SAMHD1: variants seen among roughly 807,000 people sequenced by gnomAD.
SAMHD1 encodes the protein deoxynucleoside triphosphate triphosphohydrolase SAMHD1.
In SAMHD1, 54 loss-of-function variants were observed where a neutral mutation model predicts 79.6. The ratio of observed to expected loss-of-function variants is 0.68; its 90% CI spans 0.55 to 0.85. The LOEUF (loss-of-function observed/expected upper bound fraction) is 0.85. SAMHD1 is among the 40% of genes least tolerant of loss of function. The pLI, the probability that SAMHD1 is intolerant of heterozygous loss-of-function variation, is 0.00. For missense variants in SAMHD1, 663 were observed against 782.7 expected, an observed-to-expected ratio of 0.85 and a Z score of 1.82; for synonymous variants, 260 against 264.1, an observed-to-expected ratio of 0.98 and a Z score of 0.15.
Position 36,937,378 on chromosome 20 carries a change from A to C in SAMHD1, c.349-2189T>G, listed in dbSNP as rs369061139. 1.4e-4 allele frequency among the ~76,000 whole-genome samples: 21 copies of C among 152,286 alleles called. No individual in the cohort carries two copies. In the East Asian group the frequency reaches 3.9e-3, roughly 28 times the overall value. ...AATGAACAAAAAAAATATAAATTGG[A>C]TTACATAAAAACTTAAAACTTTTGT... On this transcript the variant is annotated intron_variant, in intron 3 of 15. Coordinates refer to ENST00000646673, the MANE Select transcript of SAMHD1 (RefSeq NM_015474.4).
chr20:36,904,011 TTAA>T (rs1336172734), intron 13 of SAMHD1, 143 bp downstream of exon 13: 2 of 634,336 alleles, frequency 3.2e-6, no homozygotes, highest in African/African-American at 3.7e-5. Context: ...GTTTTTGTGG[TTAA>T]TAATATTGGT....
intron 7 of SAMHD1, among the ~76,000 whole-genome samples, chr20:36,918,554 C>T (rs893756439): frequency 2.6e-5 from 4 of 151,794 alleles, no homozygotes; most frequent in African/African-American, 9.7e-5. Context: ...GTAATCCCAC[C>T]ACTTTGGGAG....
At chr20:36,917,786 A>G (rs1177167216) in intron 7 of SAMHD1, among the ~76,000 whole-genome samples, 1 of 152,118 alleles carries the variant, frequency 6.6e-6, no homozygotes, top group Non-Finnish European at 1.5e-5. Context: ...GTATTCTTTG[A>G]GCTCCACTTT....
Position 36,951,386 on chromosome 20 carries a change from C to T in SAMHD1, c.208+50G>A, listed in dbSNP as rs773075016. The T allele has an allele frequency of 3.1e-6, 5 of 1,608,152 alleles. No homozygotes were observed. In the African/African-American group the frequency reaches 5.3e-5, roughly 17 times the overall value. On this transcript the variant is annotated intron_variant, in intron 1 of 15. Transcript: ENST00000646673. ...GCCCCCTCCCTCAGGGCGCCTGGCC[C>T]GCGCCCCAGGTCGCCGCCCTTCGCC...
chr20:36,905,253 G>T, intron 12 of SAMHD1, 111 bp downstream of exon 12: 1 of 1,201,348 alleles, frequency 8.3e-7, no homozygotes, highest in South Asian at 1.2e-5. Flanking sequence ...GATTAAATGA[G>T]AATAAACGTA....
chr20:36,949,426 G>A (rs1348673999), intron 1 of SAMHD1, among the ~76,000 whole-genome samples: 1 of 149,878 alleles, frequency 6.7e-6, no homozygotes, highest in Non-Finnish European at 1.5e-5. Context: ...AGACCAGCCT[G>A]GCCAACATGG....
Position 36,930,810 on chromosome 20 carries a change from C to T in SAMHD1, c.575G>A (p.Ser192Asn), listed in dbSNP as rs1236120118. 6 of 1,613,924 alleles carry T rather than the reference C, an allele frequency of 3.7e-6. No individual in the cohort carries two copies. Among genetic ancestry groups the T allele is most frequent in the African/African-American group, 1.3e-5 (1 of 74,896 alleles). ...CTGAACACAGAGAACATCTCGTTCA[C>T]TTATCTGCAGCTCTGGTTGTTTTTC... The part of the protein sequence containing the change: ...LGEKQPELQI[S>N]ERDVLCVQIA... Residue 192 changes from serine (S) to asparagine (N), a missense_variant, in exon 5 of 16, where the codon AGT becomes AAT. Physicochemically the swap from Ser to Asn is conservative, Grantham distance 46. Coordinates refer to ENST00000646673, the MANE Select transcript of SAMHD1 (RefSeq NM_015474.4).
intron 6 of SAMHD1, among the ~76,000 whole-genome samples, chr20:36,924,026 G>A (rs767787347): frequency 6.6e-6 from 1 of 152,144 alleles, no homozygotes; most frequent in Admixed American, 6.6e-5. Context: ...AAGCGGGGCA[G>A]ATAGCTTGAG....
chr20:36,936,969 C>T (rs970797151), intron 3 of SAMHD1, among the ~76,000 whole-genome samples: 7 of 142,134 alleles, frequency 4.9e-5, no homozygotes, highest in South Asian at 4.3e-4. Context: ...GATGAAATCC[C>T]GTCTCTACTA....
In SAMHD1 at chr20:36,897,907, C is replaced by T; in HGVS notation, c.1661G>A (p.Cys554Tyr). Residue 554 changes from cysteine (C) to tyrosine (Y), a missense_variant, in exon 15 of 16, where the codon TGT (cysteine) becomes TAT (tyrosine). Transcript: ENST00000646673. ...CAAACTCTTTCTGTCCACCTTCTTA[C>T]AATATACTCGAATCAGCTGCTCTGC... ...KFAEQLIRVY[C>Y]KKVDRKSLYA... 3 of 1,614,196 alleles carry T rather than the reference C, an allele frequency of 1.9e-6. No individual in the cohort carries two copies. The highest frequency in any genetic ancestry group is 1.3e-5 in the African/African-American group (1 of 75,050).
intron 10 of SAMHD1, 72 bp from the exon 11 acceptor site, chr20:36,911,405 A>C (rs2063439693): frequency 1.1e-6 from 1 of 927,488 alleles, no homozygotes; most frequent in Admixed American, 1.7e-5. Flanking sequence ...TACTTAAGGA[A>C]ATCTTTCTAC....
intron 12 of SAMHD1, 177 bp from the exon 13 acceptor site, chr20:36,904,426 T>C (rs1038994999): frequency 1.1e-5 from 7 of 618,056 alleles, no homozygotes; most frequent in African/African-American, 7.4e-5. Flanking sequence ...TTGTAAAAAA[T>C]TGTAAAAAGT....
At chr20:36,900,677 C>T (rs1345883810) in intron 13 of SAMHD1, among the ~76,000 whole-genome samples, 1 of 151,976 alleles carries the variant, frequency 6.6e-6, no homozygotes, top group Non-Finnish European at 1.5e-5. Flanking sequence ...AGCGATTTTC[C>T]TGCCTCAGCC....
At chr20:36,896,339 G>A (rs1990198158) in intron 15 of SAMHD1, among the ~76,000 whole-genome samples, 1 of 152,092 alleles carries the variant, frequency 6.6e-6, no homozygotes, top group Admixed American at 6.6e-5. Context: ...CAGACACCAA[G>A]GGACAATTCT....
intron 7 of SAMHD1, chr20:36,917,284 T>C (rs1179032335): frequency 4.0e-6 from 2 of 504,038 alleles, no homozygotes; most frequent in Non-Finnish European, 7.1e-6. Context: ...CTTGTGCCAC[T>C]GAAAAGATCT....
chr20:36,938,534 C>G (rs1297924958), intron 3 of SAMHD1, among the ~76,000 whole-genome samples: 1 of 150,984 alleles, frequency 6.6e-6, no homozygotes, highest in East Asian at 2.0e-4. Flanking sequence ...AGTGAAACTC[C>G]CTCTCAAAAC....
At chr20:36,949,201 T>C (rs544558766) in intron 1 of SAMHD1, among the ~76,000 whole-genome samples, 22 of 149,304 alleles carry the variant, frequency 1.5e-4, no homozygotes, top group Non-Finnish European at 2.5e-4. Flanking sequence ...GAGGCAGAGG[T>C]TGCAGTGAGC....
At chr20:36,926,584 A>G (rs2063537662) in intron 6 of SAMHD1, among the ~76,000 whole-genome samples, 1 of 152,114 alleles carries the variant, frequency 6.6e-6, no homozygotes, top group East Asian at 1.9e-4. Context: ...ATACCTCAAA[A>G]AAAGAGAGAG....
rs564489677 is a variant in SAMHD1 at position 36,920,124 on chromosome 20, T to A, written c.697-605A>T. On this transcript the variant is annotated intron_variant, in intron 6 of 15. Coordinates refer to ENST00000646673, the MANE Select transcript of SAMHD1 (RefSeq NM_015474.4). ...GAATTATCCTATAACTATATTTTTT[T>A]AAAAAAAGAGACAGGGAATTGCTCT... Among the ~76,000 whole-genome samples, 261 of 152,144 alleles carry A rather than the reference T, an allele frequency of 1.7e-3. 3 individuals are homozygous for A. The highest frequency in any genetic ancestry group is 5.8e-3 in the African/African-American group (242 of 41,504).
Sources: gnomAD v4.1 joint callset for allele counts (sites outside exome capture counted in the v4.1 genomes callset) on GRCh38, gnomAD v4.1.1 for gene constraint, MANE v1.5 for transcripts, NCBI Gene and HGNC (gene_info 2026-07-23, HGNC 2026-07-21) for gene names.